Variants in PPARGC1A observed in about 807,000 individuals in gnomAD.
PPARGC1A encodes the protein peroxisome proliferator-activated receptor gamma coactivator 1-alpha.
Under a neutral mutation model 88.7 loss-of-function variants are expected in PPARGC1A, and 25 were observed. The ratio of observed to expected loss-of-function variants is 0.28; its 90% CI spans 0.21 to 0.39. The LOEUF (loss-of-function observed/expected upper bound fraction) is 0.39, where lower values mean the gene tolerates loss of function less well. PPARGC1A is among the 10% of genes least tolerant of loss of function. PPARGC1A has a pLI of 1.00. For missense variants in PPARGC1A, 880 were observed against 968.7 expected (o/e 0.91, Z 1.22); for synonymous variants, 363 against 355.6 (o/e 1.02, Z -0.24).
chr4:23,906,695 C>T (rs1008962650), upstream of PPARGC1A, among the ~76,000 whole-genome samples: 14 of 150,670 alleles, frequency 9.3e-5, no homozygotes, highest in Non-Finnish European at 1.9e-4. Flanking sequence ...TAATCTAGAA[C>T]AGACCTTAAC....
chr4:24,185,363 A>C, the PPARGC1A span, among the ~76,000 whole-genome samples: 1 of 152,248 alleles, frequency 6.6e-6, no homozygotes, highest in Admixed American at 6.5e-5. Flanking sequence ...AGACTAAGTC[A>C]GGCTCATATT....
chr4:24,424,371 G>A, the PPARGC1A span, among the ~76,000 whole-genome samples: 3 of 138,798 alleles, frequency 2.2e-5, no homozygotes, highest in Admixed American at 8.2e-5. Context: ...CACCTCCCGG[G>A]TTCACGCCAT....
chr4:24,464,363 T>C, the PPARGC1A span, among the ~76,000 whole-genome samples: 1 of 152,372 alleles, frequency 6.6e-6, no homozygotes, highest in East Asian at 1.9e-4. Flanking sequence ...TTATACATTA[T>C]AATTCCTCAT....
chr4:23,854,309 T>C lies in PPARGC1A; in HGVS notation c.235-22558A>G, dbSNP rs566175854. 2.4e-4 allele frequency among the ~76,000 whole-genome samples: 36 copies of C among 152,346 alleles called. No individual in the cohort carries two copies. The East Asian group carries it at 4.4e-3, about 19-fold the overall frequency. ...GGTCACAGAATTTTTAGCATAGTTA[T>C]GTTATTTTGGTCATGGAAATCCCTT... On this transcript the variant is annotated intron_variant, in intron 2 of 12. Transcript: ENST00000264867.
the PPARGC1A span, among the ~76,000 whole-genome samples, chr4:24,146,390 G>A: frequency 4.6e-5 from 7 of 152,212 alleles, no homozygotes; most frequent in Admixed American, 2.0e-4. Context: ...TCATTTTGAA[G>A]GACTCGGTAA....
chr4:24,290,744 TA>T, the PPARGC1A span, among the ~76,000 whole-genome samples: 5 of 150,296 alleles, frequency 3.3e-5, no homozygotes, highest in South Asian at 2.1e-4. Flanking sequence ...ACTAATAAAG[TA>T]AAAAAAAAAT....
At chr4:24,151,650 A>G in the PPARGC1A span, among the ~76,000 whole-genome samples, 2 of 152,190 alleles carry the variant, frequency 1.3e-5, no homozygotes, top group Admixed American at 1.3e-4. Context: ...TCACCACAAC[A>G]ATCTGTTCAC....
chr4:24,027,431 T>G, the PPARGC1A span, among the ~76,000 whole-genome samples: 1 of 152,144 alleles, frequency 6.6e-6, no homozygotes, highest in African/African-American at 2.4e-5. Flanking sequence ...TACTATTGCA[T>G]GAAGATAAAA....
At chr4:24,070,190 G>T in the PPARGC1A span, among the ~76,000 whole-genome samples, 6 of 152,188 alleles carry the variant, frequency 3.9e-5, no homozygotes, top group Non-Finnish European at 2.9e-5. Flanking sequence ...TGACCAGTGA[G>T]GGATGTAGCT....
the PPARGC1A span, among the ~76,000 whole-genome samples, chr4:24,128,579 T>C: frequency 6.5e-4 from 88 of 135,680 alleles, 1 homozygote; most frequent in Middle Eastern, 3.8e-3. Flanking sequence ...TGTGTGTGTG[T>C]GCACGCGCAT....
chr4:24,228,861 T>C, the PPARGC1A span, among the ~76,000 whole-genome samples: 1 of 152,210 alleles, frequency 6.6e-6, no homozygotes, highest in Admixed American at 6.5e-5. Flanking sequence ...ATCTTTTTGT[T>C]TGCCAGTGGA....
At chr4:24,358,336 C>T in the PPARGC1A span, among the ~76,000 whole-genome samples, 6 of 152,190 alleles carry the variant, frequency 3.9e-5, no homozygotes, top group Admixed American at 6.5e-5. Context: ...GGTACTATCA[C>T]TATCTCCATT....
the PPARGC1A span, among the ~76,000 whole-genome samples, chr4:24,195,497 C>G: frequency 2.4e-4 from 36 of 152,234 alleles, no homozygotes; most frequent in African/African-American, 7.9e-4. Flanking sequence ...CCACATAGCT[C>G]AAAGTAATTC....
At chr4:24,049,308 G>GTGTATATACATATA in the PPARGC1A span, among the ~76,000 whole-genome samples, 10 of 139,550 alleles carry the variant, frequency 7.2e-5, no homozygotes, top group Non-Finnish European at 1.4e-4. Context: ...ATATATGTGT[G>GTGTATATACATATA]TATATATATA....
the PPARGC1A span, among the ~76,000 whole-genome samples, chr4:24,369,206 T>C: frequency 0.17 from 26,195 of 152,164 alleles, 2,392 homozygotes; most frequent in Non-Finnish European, 0.2. Flanking sequence ...TATTTCTCTT[T>C]GGTCAGTGTT....
intron 2 of PPARGC1A, among the ~76,000 whole-genome samples, chr4:23,844,786 A>ATAATATATGATATATATTATT (rs1491110826): frequency 1.9e-4 from 4 of 20,682 alleles, no homozygotes; most frequent in Non-Finnish European, 3.1e-4. Context: ...TATATATTAT[A>ATAATATATGATATATATTATT]ATAATATATG....
At chr4:23,811,407 G>C (rs1208514953) in intron 10 of PPARGC1A, among the ~76,000 whole-genome samples, 1 of 152,186 alleles carries the variant, frequency 6.6e-6, no homozygotes, top group African/African-American at 2.4e-5. Context: ...CTAACTCTGA[G>C]TGGCTAGCAC....
At chr4:23,952,768 C>T in the PPARGC1A span, among the ~76,000 whole-genome samples, 1 of 152,048 alleles carries the variant, frequency 6.6e-6, no homozygotes, top group African/African-American at 2.4e-5. Flanking sequence ...TAGTTTCACG[C>T]CAAGTCTCCA....
At chr4:24,029,844 A>C in the PPARGC1A span, among the ~76,000 whole-genome samples, 1 of 152,306 alleles carries the variant, frequency 6.6e-6, no homozygotes, top group Admixed American at 6.5e-5. Context: ...ATCTCAGTGG[A>C]CAACACCATT....
Sources: allele counts gnomAD v4.1 joint callset (sites outside exome capture counted in the v4.1 genomes callset), GRCh38; gene constraint gnomAD v4.1.1; transcripts MANE v1.5; gene names NCBI Gene and HGNC (gene_info 2026-07-23, HGNC 2026-07-21).